NFIB: variants seen among roughly 807,000 people sequenced by gnomAD.
NFIB encodes nuclear factor 1 B-type.
A neutral mutation model predicts 61.5 loss-of-function variants in NFIB; 11 were observed. That is an observed-to-expected ratio of 0.18 (90% CI 0.11 to 0.30). The LOEUF is 0.30. Ranked by LOEUF, NFIB falls within the 10% of genes least tolerant of loss-of-function variation. The pLI is 1.00. For synonymous variants in NFIB, 260 were observed against 216.5 expected, an observed-to-expected ratio of 1.20 and a Z score of -1.76; for missense variants, 471 against 608.9, an observed-to-expected ratio of 0.77 and a Z score of 2.38.
chr9:14,287,111 C>A (rs1588136283), intron 2 of NFIB, among the ~76,000 whole-genome samples: 1 of 151,978 alleles, frequency 6.6e-6, no homozygotes, highest in Admixed American at 6.6e-5. Context: ...TGATTTGTAA[C>A]CTTAAAAGAT....
At chr9:14,437,245 G>A in the NFIB span, among the ~76,000 whole-genome samples, 4 of 152,156 alleles carry the variant, frequency 2.6e-5, no homozygotes, top group Non-Finnish European at 5.9e-5. Flanking sequence ...AAAGTGTGCA[G>A]GAAAAAACAC....
At chr9:14,388,690 G>A (rs748752679) in intron 1 of NFIB, among the ~76,000 whole-genome samples, 17 of 152,160 alleles carry the variant, frequency 1.1e-4, no homozygotes, top group African/African-American at 2.7e-4. Flanking sequence ...CTCTGGAAAC[G>A]GAGGAGAGGC....
At chr9:14,443,671 G>C in the NFIB span, among the ~76,000 whole-genome samples, 4 of 152,110 alleles carry the variant, frequency 2.6e-5, no homozygotes, top group Non-Finnish European at 5.9e-5. Context: ...CCAGGCATTT[G>C]GCATTCTTGC....
chr9:14,118,726 T>C (rs1317485262), intron 8 of NFIB, among the ~76,000 whole-genome samples: 4 of 151,632 alleles, frequency 2.6e-5, no homozygotes, highest in South Asian at 2.1e-4. Flanking sequence ...GTTCCTATTA[T>C]ACAAAATCCT....
chr9:14,411,626 G>T, the NFIB span, among the ~76,000 whole-genome samples: 2 of 152,094 alleles, frequency 1.3e-5, no homozygotes, highest in Admixed American at 6.5e-5. Flanking sequence ...ACAATACCAG[G>T]GCTTGAACTC....
chr9:14,311,769 T>G (rs575802126), intron 1 of NFIB, among the ~76,000 whole-genome samples: 1 of 152,324 alleles, frequency 6.6e-6, no homozygotes, highest in East Asian at 1.9e-4. Context: ...TATAGAGAAA[T>G]GCACAATTAT....
chr9:14,168,536 TGAAGGGTCA>T (rs1257231148), intron 3 of NFIB, among the ~76,000 whole-genome samples: 1 of 152,170 alleles, frequency 6.6e-6, no homozygotes, highest in East Asian at 1.9e-4. Flanking sequence ...GGACAAATCA[TGAAGGGTCA>T]TATTGTATGT....
chr9:14,377,725 T>C (rs1167045491), intron 1 of NFIB, among the ~76,000 whole-genome samples: 1 of 152,228 alleles, frequency 6.6e-6, no homozygotes, highest in African/African-American at 2.4e-5. Flanking sequence ...CCTGGAACTC[T>C]ATTGACCTAA....
At chr9:14,169,677 C>T (rs925204491) in intron 3 of NFIB, among the ~76,000 whole-genome samples, 1 of 152,078 alleles carries the variant, frequency 6.6e-6, no homozygotes, top group South Asian at 2.1e-4. Context: ...AAAAATTAGC[C>T]GGACACGGCC....
chr9:14,175,571 C>G (rs185585703), intron 3 of NFIB, among the ~76,000 whole-genome samples: 4 of 152,250 alleles, frequency 2.6e-5, no homozygotes, highest in Admixed American at 6.5e-5. Context: ...TAGTGTCATC[C>G]TTGCTCCAGA....
the NFIB span, among the ~76,000 whole-genome samples, chr9:14,447,478 G>C: frequency 6.6e-6 from 1 of 152,082 alleles, no homozygotes; most frequent in Non-Finnish European, 1.5e-5. Context: ...TAAATTCTTG[G>C]CTTGAGGTTT....
At chr9:14,339,171 C>A (rs745447519) in intron 1 of NFIB, among the ~76,000 whole-genome samples, 2 of 152,158 alleles carry the variant, frequency 1.3e-5, no homozygotes, top group African/African-American at 4.8e-5. Context: ...CCTAGAAGAA[C>A]TGAATCATGA....
chr9:14,104,127 G>T (rs1234181621), intron 10 of NFIB, among the ~76,000 whole-genome samples: 1 of 151,842 alleles, frequency 6.6e-6, no homozygotes, highest in Non-Finnish European at 1.5e-5. Context: ...TGGCCAGGCT[G>T]GTCTCGAACT....
chr9:14,217,821 G>T (rs1036080842), intron 2 of NFIB, among the ~76,000 whole-genome samples: 1 of 151,940 alleles, frequency 6.6e-6, no homozygotes, highest in African/African-American at 2.4e-5. Context: ...TTTATACTTT[G>T]TTTCTTTCCC....
At chr9:14,099,004 C>T (rs2035314159) in intron 10 of NFIB, among the ~76,000 whole-genome samples, 1 of 152,154 alleles carries the variant, frequency 6.6e-6, no homozygotes, top group Non-Finnish European at 1.5e-5. Context: ...TGCACAGCTC[C>T]CTTGGCACTG....
At chr9:14,412,166 G>A in the NFIB span, among the ~76,000 whole-genome samples, 1 of 152,172 alleles carries the variant, frequency 6.6e-6, no homozygotes, top group East Asian at 1.9e-4. Flanking sequence ...AAGCTACCAA[G>A]TTTGGGGGTA....
chr9:14,397,235 G>T (rs1028432087), intron 1 of NFIB, among the ~76,000 whole-genome samples: 6 of 152,128 alleles, frequency 3.9e-5, no homozygotes, highest in African/African-American at 1.4e-4. Context: ...TCAACTATAG[G>T]TTGTTTCTGC....
chr9:14,469,482 C>G, the NFIB span, among the ~76,000 whole-genome samples: 10 of 152,188 alleles, frequency 6.6e-5, no homozygotes, highest in African/African-American at 9.7e-5. Flanking sequence ...TGCCCATCCT[C>G]TGGTTCTAAA....
chr9:14,524,241 A>T, the NFIB span, among the ~76,000 whole-genome samples: 1 of 152,162 alleles, frequency 6.6e-6, no homozygotes, highest in Non-Finnish European at 1.5e-5. Flanking sequence ...TCTTATATTC[A>T]CACATAATAA....
Sources: allele counts gnomAD v4.1 joint callset (sites outside exome capture counted in the v4.1 genomes callset), GRCh38; gene constraint gnomAD v4.1.1; transcripts MANE v1.5; gene names NCBI Gene and HGNC (gene_info 2026-07-23, HGNC 2026-07-21).